The following PAAF1 variants were observed in gnomAD, a reference collection of about 807,000 sequenced individuals.
PAAF1 encodes proteasomal ATPase associated factor 1, also known as proteasomal ATPase-associated factor 1.
PAAF1 carries 46 observed loss-of-function variants against 52.8 expected under a neutral mutation model. The ratio of observed to expected loss-of-function variants is 0.87; its 90% confidence interval spans 0.69 to 1.11. The LOEUF (loss-of-function observed/expected upper bound fraction) is 1.11, where lower values mean the gene tolerates loss of function less well. Ranked by LOEUF, PAAF1 falls within the 50% of genes most tolerant of loss-of-function variation. The pLI is 0.00. For missense variants in PAAF1, 424 were observed against 477.4 expected (o/e 0.89, Z 1.04); for synonymous variants, 178 against 172.8 (o/e 1.03, Z -0.24).
chr11:73,912,558 A>T (rs1039917869), intron 7 of PAAF1, among the ~76,000 whole-genome samples: 4 of 151,932 alleles, frequency 2.6e-5, no homozygotes, highest in African/African-American at 7.3e-5. Context: ...ATCTGGTCCA[A>T]ACTATCATCA....
At chr11:73,914,908 GTTGGCCAGACTAGTCTC>G (rs972550823) in intron 8 of PAAF1, among the ~76,000 whole-genome samples, 3 of 151,962 alleles carry the variant, frequency 2.0e-5, no homozygotes, top group Non-Finnish European at 4.4e-5. Context: ...GTTTCACCAT[GTTGGCCAGACTAGTCTC>G]AAACTCCTGA....
intron 2 of PAAF1, 45 bp from the exon 3 acceptor site, chr11:73,887,305 TAATA>T: frequency 7.0e-7 from 1 of 1,428,140 alleles, no homozygotes. Flanking sequence ...AAGAGAAAAA[TAATA>T]AATTTTTCTT....
intron 6 of PAAF1, among the ~76,000 whole-genome samples, chr11:73,900,981 C>CAAAAAAAA (rs5792636): frequency 5.0e-5 from 3 of 59,548 alleles, no homozygotes; most frequent in Non-Finnish European, 9.3e-5. Flanking sequence ...GACTCCGTCT[C>CAAAAAAAA]AAAAAAAAAA....
intron 4 of PAAF1, among the ~76,000 whole-genome samples, chr11:73,897,102 A>G (rs1949407157): frequency 7.7e-6 from 1 of 129,510 alleles, no homozygotes. Context: ...GGCCGGGCAG[A>G]GTGGCTCCTC....
At chr11:73,881,000 C>G (rs937853206) in intron 2 of PAAF1, among the ~76,000 whole-genome samples, 1 of 151,978 alleles carries the variant, frequency 6.6e-6, no homozygotes, top group East Asian at 1.9e-4. Context: ...AACTCCATCT[C>G]TAAATAAATA....
intron 2 of PAAF1, among the ~76,000 whole-genome samples, chr11:73,884,467 C>T (rs1465004711): frequency 6.6e-6 from 1 of 152,134 alleles, no homozygotes; most frequent in African/African-American, 2.4e-5. Flanking sequence ...TGCACTCCAG[C>T]CTGGGTGACA....
intron 4 of PAAF1, among the ~76,000 whole-genome samples, chr11:73,897,142 C>T (rs1368765344): frequency 4.3e-5 from 6 of 139,692 alleles, no homozygotes; most frequent in African/African-American, 1.1e-4. Flanking sequence ...CGGGCAGAGG[C>T]GCCCCTCACC....
At chr11:73,892,338 AAAAAG>A (rs1949223418) in intron 4 of PAAF1, among the ~76,000 whole-genome samples, 1 of 151,696 alleles carries the variant, frequency 6.6e-6, no homozygotes, top group African/African-American at 2.4e-5. Context: ...AAAAAAAAAA[AAAAAG>A]AAAGAAAGAA....
In PAAF1 at chr11:73,923,420, C is replaced by G. The variant is rs564944457; in HGVS notation, c.1019-1195C>G. 2.2e-4 allele frequency among the ~76,000 whole-genome samples: 34 copies of G among 152,202 alleles called. No individual in the cohort carries two copies. The South Asian group carries it at 7.0e-3, about 32-fold the overall frequency. On this transcript the variant is annotated intron_variant, in intron 10 of 11. Coordinates refer to ENST00000310571, the MANE Select transcript of PAAF1 (RefSeq NM_025155.3). ...GTAAAATAGGCACAAAAAAATAGATCAAAATGTTAACAGTAATTGCCTTTG... is the reference window on the plus strand; with the variant it reads ...GTAAAATAGGCACAAAAAAATAGATGAAAATGTTAACAGTAATTGCCTTTG...
chr11:73,897,083 G>C, intron 4 of PAAF1, among the ~76,000 whole-genome samples: 1 of 142,668 alleles, frequency 7.0e-6, no homozygotes, highest in Non-Finnish European at 1.5e-5. Context: ...CCTCCCAGAC[G>C]GGGCGGCTGG....
At chr11:73,917,648 G>T (rs1950102215) in intron 9 of PAAF1, among the ~76,000 whole-genome samples, 2 of 152,164 alleles carry the variant, frequency 1.3e-5, no homozygotes, top group South Asian at 4.1e-4. Context: ...AAGGTGGGTG[G>T]ATCACCTGAG....
chr11:73,916,560 G>A lies in PAAF1; in HGVS notation c.835G>A (p.Gly279Ser). The A allele has an allele frequency of 1.2e-6, 2 of 1,612,214 alleles. No individual in the cohort carries two copies. The highest frequency in any genetic ancestry group is 1.3e-5 in the African/African-American group (1 of 74,930). Residue 279 changes from glycine to serine, a missense_variant, in exon 9 of 12, where the codon GGC becomes AGC. Gly to Ser is a moderately conservative substitution (Grantham distance 56). Coordinates refer to ENST00000310571, the MANE Select transcript of PAAF1 (RefSeq NM_025155.3). ...TTGTTCCCAGGTGTTCCTCTTTATT[G>A]GCTCAGACGCTTTCAACTGCTGTAC... Reference protein sequence around the residue: ...QSRQLVFLFIGSDAFNCCTFL... With the variant: ...QSRQLVFLFISSDAFNCCTFL...
At position 73,909,998 on chromosome 11, in the gene PAAF1, C is replaced by G. The variant is rs371746744; in HGVS notation, c.727+405C>G. ...TTATGAATTTGTGTTGGGCCTCATT[C>G]AGAGCCACCCTGGGCTGCAGGTTGG... On this transcript the variant is annotated intron_variant, in intron 7 of 11. Coordinates refer to ENST00000310571, the MANE Select transcript of PAAF1 (RefSeq NM_025155.3). Among the ~76,000 whole-genome samples, 8 of 152,226 alleles carry G rather than the reference C, an allele frequency of 5.3e-5. No homozygotes were observed. In the East Asian group the frequency reaches 1.5e-3, roughly 29 times the overall value.
At chr11:73,899,079 A>G (rs1322566691) in intron 4 of PAAF1, 67 bp from the exon 5 acceptor site, 1 of 1,289,292 alleles carries the variant, frequency 7.8e-7, no homozygotes, top group Non-Finnish European at 1.1e-6. Context: ...GGAAGTTTAT[A>G]ACATATTTCA....
intron 2 of PAAF1, chr11:73,886,839 G>T: frequency 3.8e-6 from 1 of 263,668 alleles, no homozygotes; most frequent in Non-Finnish European, 7.7e-6. Flanking sequence ...GGGTGTTTGG[G>T]TCATGGGGGC....
chr11:73,909,694 C>A, intron 7 of PAAF1, 101 bp downstream of exon 7: 3 of 1,040,888 alleles, frequency 2.9e-6, no homozygotes, highest in Non-Finnish European at 4.2e-6. Flanking sequence ...CTGCTCTGTG[C>A]CTGGTATTTC....
chr11:73,897,668 G>A (rs1358152970), intron 4 of PAAF1, among the ~76,000 whole-genome samples: 3 of 151,616 alleles, frequency 2.0e-5, no homozygotes, highest in African/African-American at 7.3e-5. Flanking sequence ...AGACTGGGCG[G>A]CCGGGCAGAG....
chr11:73,924,704 GCCTGAGACGACACCAGA>G lies in PAAF1; in HGVS notation c.1101+12_1101+28del, dbSNP rs1247043575. The stretch of plus-strand genomic sequence containing the variant: ...CTGTGACCCTGTGTACAAGGTACAG[GCCTGAGACGACACCAGA>G]CCTGGGTGATTCTCATGAGAGATCT... On this transcript the variant is annotated splice_region_variant and intron_variant, in intron 11 of 11. Transcript: ENST00000310571. 9 of 1,611,944 alleles carry G rather than the reference GCCTGAGACGACACCAGA, an allele frequency of 5.6e-6. No homozygotes were observed. Among genetic ancestry groups the G allele is most frequent in the Non-Finnish European group, 7.6e-6 (9 of 1,178,224 alleles).
rs751469770 is a variant in PAAF1 at position 73,898,217 on chromosome 11, G to GGAGGGA, written c.283-902_283-897dup. On this transcript the variant is annotated intron_variant, in intron 4 of 11. Coordinates refer to ENST00000310571, the MANE Select transcript of PAAF1 (RefSeq NM_025155.3). ...GGGAGAGGGAGGGGGAGGGGAAGGG[G>GGAGGGA]GAGGGAGAGGGAGAGGGAGAGGGAG... 1.2e-3 allele frequency among the ~76,000 whole-genome samples: 157 copies of GGAGGGA among 133,918 alleles called. 1 individual carries two copies. The highest frequency in any genetic ancestry group is 3.1e-3 in the African/African-American group (110 of 35,886). 87.9% of individuals were successfully genotyped at this position (133,918 alleles called of 152,430 possible). A position where few individuals can be genotyped will look rare whatever the true frequency, so the allele number is the denominator to read the frequency against.
Sources: allele counts gnomAD v4.1 joint callset (sites outside exome capture counted in the v4.1 genomes callset), GRCh38; gene constraint gnomAD v4.1.1; transcripts MANE v1.5; gene names NCBI Gene and HGNC (gene_info 2026-07-23, HGNC 2026-07-21).